LAIR2: variants seen among roughly 807,000 people sequenced by gnomAD.
LAIR2 encodes the protein leukocyte-associated immunoglobulin-like receptor 2.
A neutral mutation model predicts 14.8 loss-of-function variants in LAIR2; 14 were observed. The observed-to-expected ratio is 0.95, with a 90% CI of 0.62 to 1.48. LAIR2 has a LOEUF of 1.48. Ranked by LOEUF, LAIR2 falls within the 40% of genes most tolerant of loss-of-function variation. The pLI is 0.00. For synonymous variants in LAIR2, 75 were observed against 74.5 expected (o/e 1.01, Z -0.03); for missense variants, 172 against 180.9 (o/e 0.95, Z 0.28).
intron 2 of LAIR2, among the ~76,000 whole-genome samples, chr19:54,505,108 C>G (rs1471324663): frequency 6.6e-6 from 1 of 152,128 alleles, no homozygotes; most frequent in East Asian, 1.9e-4. Flanking sequence ...TTATATAACT[C>G]AGGTTATTTC....
At chr19:54,507,531 C>A (rs566001039) in intron 2 of LAIR2, among the ~76,000 whole-genome samples, 1 of 151,962 alleles carries the variant, frequency 6.6e-6, no homozygotes, top group East Asian at 1.9e-4. Context: ...ATGACCCTGT[C>A]ATCCCCATCG....
At chr19:54,505,248 C>A (rs553908458) in intron 2 of LAIR2, among the ~76,000 whole-genome samples, 9 of 152,142 alleles carry the variant, frequency 5.9e-5, no homozygotes, top group African/African-American at 2.2e-4. Flanking sequence ...TTTCCCCAGA[C>A]GAGCCCACAC....
Position 54,502,947 on chromosome 19 carries a change from G to C in LAIR2, c.29G>C (p.Gly10Ala). The C allele has an allele frequency of 6.2e-7, 1 of 1,613,768 alleles. No homozygotes were observed. MSPHLTALL[G>A]LVLCLAQTIH... is the part of the protein sequence containing the mutation. ...TCTCCACACCTCACTGCTCTCCTGG[G>C]CCTAGGTGAGTCCTGGAGGGAGCGG... Residue 10 changes from glycine (G) to alanine (A), a missense_variant, in exon 1 of 5, where the codon GGC (glycine) becomes GCC (alanine). Physicochemically the swap from Gly to Ala is moderately conservative, Grantham distance 60. This residue lies in a region of LAIR2 where 161 missense variants were observed against 149.0 expected (regional missense o/e 1.08). Coordinates refer to ENST00000301202, the MANE Select transcript of LAIR2 (RefSeq NM_002288.6).
At chr19:54,508,278 CTG>C in intron 3 of LAIR2, 94 bp downstream of exon 3, 1 of 1,283,704 alleles carries the variant, frequency 7.8e-7, no homozygotes, top group Admixed American at 2.1e-5. Context: ...TGTCCTCTCT[CTG>C]TGGCCACCGT....
intron 3 of LAIR2, among the ~76,000 whole-genome samples, 172 bp from the exon 4 acceptor site, chr19:54,508,863 C>T (rs1430801498): frequency 2.0e-5 from 3 of 152,234 alleles, no homozygotes; most frequent in Non-Finnish European, 4.4e-5. Flanking sequence ...GAGAATGGGG[C>T]AAGCAGCGGG....
intron 2 of LAIR2, among the ~76,000 whole-genome samples, chr19:54,505,225 T>C (rs1050104134): frequency 3.9e-5 from 6 of 152,128 alleles, no homozygotes; most frequent in African/African-American, 1.4e-4. Context: ...CAACCAAGGC[T>C]GAACCCGGCA....
At chr19:54,506,164 G>A (rs548227652) in intron 2 of LAIR2, among the ~76,000 whole-genome samples, 4 of 152,178 alleles carry the variant, frequency 2.6e-5, no homozygotes, top group East Asian at 1.9e-4. Context: ...AAAATTGACC[G>A]ATGAAAATTG....
chr19:54,506,911 G>A (rs1260649194), intron 2 of LAIR2, among the ~76,000 whole-genome samples: 1 of 152,126 alleles, frequency 6.6e-6, no homozygotes, highest in Non-Finnish European at 1.5e-5. Context: ...AAATCGCTAA[G>A]AGGGCAGATT....
At chr19:54,510,488 G>A (rs1248309671) in intron 4 of LAIR2, 38 bp from the exon 5 acceptor site, 1 of 1,564,360 alleles carries the variant, frequency 6.4e-7, no homozygotes, top group South Asian at 1.1e-5. Context: ...AAGGAGGGAT[G>A]CTCCTATTAA....
chr19:54,510,306 G>C (rs569006103), intron 4 of LAIR2, among the ~76,000 whole-genome samples: 4 of 150,928 alleles, frequency 2.7e-5, no homozygotes, highest in African/African-American at 9.8e-5. Flanking sequence ...AATCCCGGTG[G>C]TTCTGCCACC....
Position 54,503,727 on chromosome 19 carries a change from C to A in LAIR2, c.62C>A (p.Thr21Lys). 1 of 1,614,040 alleles carries A rather than the reference C, an allele frequency of 6.2e-7. No individual in the cohort carries two copies. Among genetic ancestry groups the A allele is most frequent in the Non-Finnish European group, 8.5e-7 (1 of 1,179,990 alleles). The stretch of plus-strand genomic sequence containing the variant: ...CTCTGCCTGGCCCAGACCATCCACA[C>A]GCAGGAGGGTAAGTCATGCCTTCGT... ...LVLCLAQTIH[T>K]QEGALPRPSI... The change falls in exon 2 of 5, where the codon ACG becomes AAG. Residue 21 changes from threonine to lysine, a missense_variant. Physicochemically the swap from Thr to Lys is moderately conservative, Grantham distance 78. Transcript: ENST00000301202.
In LAIR2 at chr19:54,502,935, C is replaced by T. The variant is rs1306495904; in HGVS notation, c.17C>T (p.Thr6Ile). The T allele has an allele frequency of 1.2e-6, 2 of 1,613,914 alleles. No individual in the cohort carries two copies. The highest frequency in any genetic ancestry group is 1.7e-6 in the Non-Finnish European group (2 of 1,179,946). Residue 6 changes from threonine to isoleucine, a missense_variant, in exon 1 of 5, where the codon ACT becomes ATT. By Grantham distance (89) the Thr-to-Ile change is moderately conservative. Around this residue, in one of 2 missense-constraint regions of LAIR2, gnomAD observed 161 missense variants for 149.0 expected, o/e 1.08. Transcript: ENST00000301202. MSPHL[T>I]ALLGLVLCLA... ...ACCGGGGCCATGTCTCCACACCTCA[C>T]TGCTCTCCTGGGCCTAGGTGAGTCC...
intron 4 of LAIR2, among the ~76,000 whole-genome samples, chr19:54,509,930 C>G (rs1186288586): frequency 6.7e-6 from 1 of 149,248 alleles, no homozygotes; most frequent in Non-Finnish European, 1.5e-5. Context: ...GGTTTCTATC[C>G]CCAGAGTACG....
intron 3 of LAIR2, among the ~76,000 whole-genome samples, 171 bp downstream of exon 3, chr19:54,508,355 C>G (rs2085408042): frequency 6.6e-6 from 1 of 152,130 alleles, no homozygotes; most frequent in Admixed American, 6.5e-5. Flanking sequence ...CCCCTCTGCC[C>G]TCACACCTGC....
intron 2 of LAIR2, among the ~76,000 whole-genome samples, chr19:54,505,260 T>TCACTC (rs2123391294): frequency 6.6e-6 from 1 of 151,982 alleles, no homozygotes; most frequent in East Asian, 1.9e-4. Context: ...AGCCCACACT[T>TCACTC]CACTCGGCAG....
chr19:54,505,659 G>C (rs953096819), intron 2 of LAIR2, among the ~76,000 whole-genome samples: 3 of 152,054 alleles, frequency 2.0e-5, no homozygotes, highest in Non-Finnish European at 4.4e-5. Flanking sequence ...TCTTCAGATA[G>C]AATCAACCCA....
At position 54,502,866 on chromosome 19, in the gene LAIR2, G is replaced by C. The variant is rs374118247; in HGVS notation, c.-53G>C. The C allele has an allele frequency of 7.4e-6, 12 of 1,612,244 alleles. No individual in the cohort carries two copies. The highest frequency in any genetic ancestry group is 2.2e-5 in the South Asian group (2 of 91,028). On this transcript the variant is annotated 5_prime_UTR_variant, in exon 1 of 5. Transcript: ENST00000301202. ...GAAGCCCCACGGGCAGGAGGCCCCC[G>C]GCCAGCACATCCTGTCTGCTTGTGT...
rs199555694 is a variant in LAIR2 at position 54,503,750 on chromosome 19, C to A, written c.70+15C>A. The stretch of plus-strand genomic sequence containing the variant: ...CACGCAGGAGGGTAAGTCATGCCTT[C>A]GTCCCGTCTTCCCAGTCCCCTCTGT... On this transcript the variant is annotated intron_variant, in intron 2 of 4. Transcript: ENST00000301202. 5.6e-6 allele frequency: 9 copies of A among 1,614,028 alleles called. No homozygotes were observed. The African/African-American group carries it at 1.2e-4, about 22-fold the overall frequency.
intron 3 of LAIR2, among the ~76,000 whole-genome samples, chr19:54,508,629 A>T (rs374945307): frequency 1.5e-5 from 2 of 132,544 alleles, no homozygotes; most frequent in South Asian, 4.8e-4. Context: ...TGGGCAGAAC[A>T]CAGGGTCCAG....
Sources: gnomAD v4.1 joint callset for allele counts (sites outside exome capture counted in the v4.1 genomes callset) on GRCh38, gnomAD v4.1.1 for gene constraint, gnomAD v4.1.1 regional missense constraint, MANE v1.5 for transcripts, NCBI Gene and HGNC (gene_info 2026-07-23, HGNC 2026-07-21) for gene names.